SLC18B1: variants seen among roughly 807,000 people sequenced by gnomAD.
The protein encoded by SLC18B1 is MFS-type transporter SLC18B1.
SLC18B1 carries 62 observed loss-of-function variants against 53.9 expected under a neutral mutation model. The ratio of observed to expected loss-of-function variants is 1.15; its 90% CI spans 0.94 to 1.42. The LOEUF is 1.42. Among genes scored for constraint, SLC18B1 ranks in the 40% most tolerant of loss-of-function variants. The pLI is 0.00. For synonymous variants in SLC18B1, 217 were observed against 200.9 expected (o/e 1.08, Z -0.68); for missense variants, 598 against 547.3 (o/e 1.09, Z -0.93).
intron 2 of SLC18B1, among the ~76,000 whole-genome samples, chr6:132,796,399 G>A (rs1002892580): frequency 6.8e-6 from 1 of 146,174 alleles, no homozygotes; most frequent in East Asian, 2.0e-4. Context: ...GGTGGTAGGC[G>A]CCTGTAATCC....
chr6:132,780,491 G>A (rs1016168307), intron 6 of SLC18B1, among the ~76,000 whole-genome samples: 1 of 150,478 alleles, frequency 6.6e-6, no homozygotes, highest in Non-Finnish European at 1.5e-5. Context: ...ATCATGCAGT[G>A]TGGTTCAGCT....
chr6:132,780,493 G>A (rs1781206901), intron 6 of SLC18B1, among the ~76,000 whole-genome samples: 2 of 151,106 alleles, frequency 1.3e-5, no homozygotes, highest in Non-Finnish European at 2.9e-5. Flanking sequence ...CATGCAGTGT[G>A]GTTCAGCTAT....
intron 5 of SLC18B1, among the ~76,000 whole-genome samples, chr6:132,785,259 C>G (rs781162550): frequency 6.6e-5 from 10 of 152,070 alleles, no homozygotes; most frequent in Non-Finnish European, 1.2e-4. Context: ...GATGTGTATA[C>G]AAAGGCTGAG....
At chr6:132,794,095 A>AT (rs1023947854) in intron 2 of SLC18B1, among the ~76,000 whole-genome samples, 86 of 143,318 alleles carry the variant, frequency 6.0e-4, no homozygotes, top group East Asian at 3.1e-3. Flanking sequence ...GGCTCTTATT[A>AT]TTTTTTTTTT....
At chr6:132,780,795 C>T (rs979617880) in intron 6 of SLC18B1, among the ~76,000 whole-genome samples, 1 of 152,008 alleles carries the variant, frequency 6.6e-6, no homozygotes, top group Non-Finnish European at 1.5e-5. Context: ...CTCCTGACCT[C>T]GTGATCCACC....
At chr6:132,793,899 T>G (rs1422345110) in intron 2 of SLC18B1, among the ~76,000 whole-genome samples, 2 of 152,088 alleles carry the variant, frequency 1.3e-5, no homozygotes, top group Non-Finnish European at 2.9e-5. Context: ...TGGTCATCAT[T>G]TCCTATAAGC....
intron 2 of SLC18B1, among the ~76,000 whole-genome samples, chr6:132,796,071 G>A (rs375024026): frequency 2.3e-4 from 35 of 152,148 alleles, no homozygotes; most frequent in East Asian, 1.7e-3. Context: ...AAATTCGGCC[G>A]GGCACGGTGA....
At chr6:132,790,470 T>C (rs566320159) in intron 2 of SLC18B1, among the ~76,000 whole-genome samples, 198 bp from the exon 3 acceptor site, 14 of 152,270 alleles carry the variant, frequency 9.2e-5, no homozygotes, top group Non-Finnish European at 1.6e-4. Flanking sequence ...CATAGTCTCT[T>C]ACATGAAAAT....
rs770774646 is a variant in SLC18B1, at chr6:132,792,288, A to AAAGAAAGAAAGAAAGAAAGAAAGAAAG, written c.184-2017_184-2016insCTTTCTTTCTTTCTTTCTTTCTTTCTT. The stretch of plus-strand genomic sequence containing the variant: ...GAAAGAAAGAAAGAAAGAAAGGAAG[A>AAAGAAAGAAAGAAAGAAAGAAAGAAAG]AAGGAAGGAAGGAAGGAAGGAAGGA... On this transcript the variant is annotated intron_variant, in intron 2 of 13. Transcript: ENST00000275227. 7.3e-4 allele frequency among the ~76,000 whole-genome samples: 29 copies of AAAGAAAGAAAGAAAGAAAGAAAGAAAG among 39,934 alleles called. 4 individuals are homozygous for AAAGAAAGAAAGAAAGAAAGAAAGAAAG. The highest frequency in any genetic ancestry group is 3.6e-3 in the African/African-American group (28 of 7,762). 26.2% of individuals were successfully genotyped at this position (39,934 alleles called of 152,430 possible).
chr6:132,785,897 C>CAAAAAA lies in SLC18B1; in HGVS notation c.501+1531_501+1536dup, dbSNP rs71545048. On this transcript the variant is annotated intron_variant, in intron 5 of 13. Transcript: ENST00000275227. ...GCAACTCAGCAAGACCCTGTCTCTA[C>CAAAAAA]AAAAAAAAAAAAAAAAAAAGAAAGA... Among the ~76,000 whole-genome samples, 412 of 81,122 alleles carry CAAAAAA rather than the reference C, an allele frequency of 5.1e-3. 12 individuals carry two copies. Among genetic ancestry groups the CAAAAAA allele is most frequent in the African/African-American group, 0.015 (331 of 22,672 alleles). The allele number at this position is 81,122 out of a possible 152,430, so 53.2% of individuals were successfully genotyped here. A position where few individuals can be genotyped will look rare whatever the true frequency, so the allele number is the denominator to read the frequency against.
rs1780957498 is a variant in SLC18B1, at chr6:132,771,024, C to T, written c.1254+12G>A. On this transcript the variant is annotated intron_variant, in intron 12 of 13. Transcript: ENST00000275227. ...ATATAAGGAAAATGCAAATAAAAGA[C>T]TGATTACTCACACTTATCAGAGCCC... 1.2e-6 allele frequency: 2 copies of T among 1,611,072 alleles called. No individual in the cohort carries two copies. The highest frequency in any genetic ancestry group is 8.5e-7 in the Non-Finnish European group (1 of 1,179,270).
Position 132,790,244 on chromosome 6 carries a change from A to C in SLC18B1, c.212T>G (p.Ile71Ser), listed in dbSNP as rs150134749. 3.2e-6 allele frequency: 5 copies of C among 1,571,816 alleles called. No individual in the cohort carries two copies. Among genetic ancestry groups the C allele is most frequent in the Non-Finnish European group, 4.3e-6 (5 of 1,156,524 alleles). ...EAEKKGASNT[I>S]IGMIFGCFAL... Reference sequence around the variant, plus strand: ...AAAACATCCAAAGATCATACCGATAATTGTATTGCTGGCTCCCTTCTTTTC... The same window carrying C: ...AAAACATCCAAAGATCATACCGATACTTGTATTGCTGGCTCCCTTCTTTTC... The change falls in exon 3 of 14, where the codon ATT becomes AGT. Residue 71 changes from isoleucine (I) to serine (S), a missense_variant. Transcript: ENST00000275227.
chr6:132,784,320 C>T (rs1335460064), intron 5 of SLC18B1, among the ~76,000 whole-genome samples: 2 of 151,486 alleles, frequency 1.3e-5, no homozygotes, highest in East Asian at 3.9e-4. Context: ...TGACATAAAA[C>T]ACAGAAGATA....
At chr6:132,783,792 G>T in intron 6 of SLC18B1, 141 bp downstream of exon 6, 1 of 600,472 alleles carries the variant, frequency 1.7e-6, no homozygotes, top group Non-Finnish European at 2.6e-6. Context: ...TAAACTAATT[G>T]CCTACATTAC....
chr6:132,784,067 C>A lies in SLC18B1; in HGVS notation c.524G>T (p.Gly175Val), dbSNP rs756461664. The A allele has an allele frequency of 1.3e-6, 2 of 1,571,162 alleles. No individual in the cohort carries two copies. Among genetic ancestry groups the A allele is most frequent in the Non-Finnish European group, 1.7e-6 (2 of 1,164,418 alleles). ...TVLGSLETFSGLGLILGPPVG... is the reference protein window; with the variant it reads ...TVLGSLETFSVLGLILGPPVG... ...AGGAGGACCTAGTATTAGCCCCAGTCCAGAAAAAGTCTCAAGACTTCCCTT... is the reference window on the plus strand; with the variant it reads ...AGGAGGACCTAGTATTAGCCCCAGTACAGAAAAAGTCTCAAGACTTCCCTT... Residue 175 changes from glycine to valine, a missense_variant, in exon 6 of 14, where the codon GGA becomes GTA. By Grantham distance (109) the Gly-to-Val change is moderately radical. Transcript: ENST00000275227.
intron 2 of SLC18B1, among the ~76,000 whole-genome samples, chr6:132,794,535 C>T (rs1157878216): frequency 6.6e-6 from 1 of 152,124 alleles, no homozygotes; most frequent in African/African-American, 2.4e-5. Context: ...TTAGGCCTGC[C>T]TCCTCAGATC....
At chr6:132,774,454 A>G in intron 8 of SLC18B1, 141 bp from the exon 9 acceptor site, 1 of 587,916 alleles carries the variant, frequency 1.7e-6, no homozygotes, top group South Asian at 2.8e-5. Context: ...CTTTACATTT[A>G]AAAGAAAGTA....
rs150625212 is a variant in SLC18B1, at chr6:132,779,019, C to A, written c.795+249G>T. Among the ~76,000 whole-genome samples the A allele has an allele frequency of 6.4e-3, 976 of 152,316 alleles. 5 individuals are homozygous for A. The highest frequency in any genetic ancestry group is 0.014 in the Middle Eastern group (4 of 294). Reference sequence around the variant, plus strand: ...GATGCCCAAGCTAAACCTACAATGACACGAGCAAGTTCTTGGAAAGAAGGA... The same window carrying A: ...GATGCCCAAGCTAAACCTACAATGAAACGAGCAAGTTCTTGGAAAGAAGGA... On this transcript the variant is annotated intron_variant, in intron 7 of 13. Coordinates refer to ENST00000275227, the MANE Select transcript of SLC18B1 (RefSeq NM_052831.3).
Position 132,787,681 on chromosome 6 carries a change from G to A in SLC18B1, c.354-100C>T, listed in dbSNP as rs112194716. On this transcript the variant is annotated intron_variant, in intron 4 of 13. Transcript: ENST00000275227. ...CTAAAAAGAATAGTACCTCACTCAT[G>A]GTTTTTAGAATAAACCGCTTTAGAA... is the stretch of plus-strand genomic sequence containing the variant. 8.5e-4 allele frequency: 907 copies of A among 1,069,776 alleles called. 5 individuals carry two copies. In the African/African-American group the frequency reaches 0.011, roughly 13 times the overall value. 66.3% of individuals were successfully genotyped at this position (1,069,776 alleles called of 1,614,324 possible). A position where few individuals can be genotyped will look rare whatever the true frequency, so the allele number is the denominator to read the frequency against.
Sources: allele counts gnomAD v4.1 joint callset (sites outside exome capture counted in the v4.1 genomes callset), GRCh38; gene constraint gnomAD v4.1.1; transcripts MANE v1.5; gene names NCBI Gene and HGNC (gene_info 2026-07-23, HGNC 2026-07-21).